Variants in ANTXR1 observed in about 807,000 individuals in gnomAD.
ANTXR1 encodes anthrax toxin receptor 1.
A neutral mutation model predicts 78.1 loss-of-function variants in ANTXR1; 19 were observed. That is an observed-to-expected ratio of 0.24 (90% CI 0.17 to 0.36). The LOEUF (loss-of-function observed/expected upper bound fraction) is 0.36. Among genes scored for constraint, ANTXR1 ranks in the 10% least tolerant of loss-of-function variants. The pLI, the probability that ANTXR1 is intolerant of heterozygous loss-of-function variation, is 1.00. For missense variants in ANTXR1, 518 were observed against 718.6 expected (o/e 0.72, Z 3.19); for synonymous variants, 273 against 260.5 (o/e 1.05, Z -0.46).
intron 13 of ANTXR1, among the ~76,000 whole-genome samples, chr2:69,168,288 GAT>G (rs1673885379): frequency 6.6e-6 from 1 of 152,220 alleles, no homozygotes; most frequent in African/African-American, 2.4e-5. Context: ...CTCACTACCA[GAT>G]GCTTAACACA....
intron 8 of ANTXR1, among the ~76,000 whole-genome samples, chr2:69,082,702 C>T (rs1406753876): frequency 2.0e-5 from 3 of 151,996 alleles, no homozygotes; most frequent in East Asian, 3.9e-4. Flanking sequence ...AGCTCCTCCT[C>T]CCAGCTATCC....
intron 1 of ANTXR1, among the ~76,000 whole-genome samples, chr2:69,020,167 CAAT>C (rs568267480): frequency 6.6e-6 from 1 of 152,102 alleles, no homozygotes. Flanking sequence ...CTATCTTTTA[CAAT>C]AATAATTTTA....
chr2:69,206,205 C>T (rs1674897392), intron 17 of ANTXR1, among the ~76,000 whole-genome samples: 1 of 152,214 alleles, frequency 6.6e-6, no homozygotes, highest in African/African-American at 2.4e-5. Flanking sequence ...CCAGCTGACA[C>T]CCAGGCATTG....
chr2:69,082,671 C>T (rs1248443695), intron 8 of ANTXR1, among the ~76,000 whole-genome samples: 6 of 151,998 alleles, frequency 3.9e-5, no homozygotes, highest in Admixed American at 3.9e-4. Flanking sequence ...TCCCAACACT[C>T]GGCCTGGTTA....
chr2:69,224,306 C>T (rs1328298042), intron 17 of ANTXR1, among the ~76,000 whole-genome samples: 1 of 152,170 alleles, frequency 6.6e-6, no homozygotes, highest in Non-Finnish European at 1.5e-5. Flanking sequence ...CCTTCTGAAA[C>T]AGAAGGTTGA....
rs529966976 is a variant in ANTXR1, at chr2:69,168,435, C to T, written c.1048-1813C>T. Among the ~76,000 whole-genome samples, 305 of 152,310 alleles carry T rather than the reference C, an allele frequency of 2.0e-3. 1 individual carries two copies. Among genetic ancestry groups the T allele is most frequent in the Middle Eastern group, 6.8e-3 (2 of 294 alleles). Reference sequence around the variant, plus strand: ...GTCAGGAGAAGGCAGGTCTGGAATTCACATATAACATCTATGCTGTGCTTA... The same window carrying T: ...GTCAGGAGAAGGCAGGTCTGGAATTTACATATAACATCTATGCTGTGCTTA... On this transcript the variant is annotated intron_variant, in intron 13 of 17. Coordinates refer to ENST00000303714, the MANE Select transcript of ANTXR1 (RefSeq NM_032208.3).
At chr2:69,217,368 G>A (rs1388120685) in intron 17 of ANTXR1, among the ~76,000 whole-genome samples, 2 of 152,218 alleles carry the variant, frequency 1.3e-5, no homozygotes, top group Admixed American at 1.3e-4. Context: ...AGTGCACAAT[G>A]TGAATCTGAG....
chr2:69,071,713 C>G, intron 4 of ANTXR1, 41 bp from the exon 5 acceptor site: 2 of 1,608,128 alleles, frequency 1.2e-6, no homozygotes, highest in Non-Finnish European at 1.7e-6. Context: ...GAGTGACAAA[C>G]AGTGGTTATA....
chr2:69,155,952 C>A (rs545277294), intron 13 of ANTXR1, among the ~76,000 whole-genome samples: 1 of 152,136 alleles, frequency 6.6e-6, no homozygotes, highest in East Asian at 1.9e-4. Flanking sequence ...AGTTTCATGA[C>A]TCCATGTTGA....
In ANTXR1 at chr2:69,145,278, T is replaced by C. The variant is rs1237139566; in HGVS notation, c.952-6891T>C. On this transcript the variant is annotated intron_variant, in intron 12 of 17. Transcript: ENST00000303714. ...CTAGGCCCTTCTAAGGCCAGGGGAG[T>C]AGCCCTTATAATTTTGCATTTGTAT... is the stretch of plus-strand genomic sequence containing the variant. The C allele has an allele frequency of 1.6e-5, 25 of 1,541,440 alleles. 1 individual carries two copies. The highest frequency in any genetic ancestry group is 1.2e-4 in the Admixed American group (6 of 51,260).
chr2:69,187,450 A>G (rs963594268), intron 16 of ANTXR1, among the ~76,000 whole-genome samples: 2 of 151,920 alleles, frequency 1.3e-5, no homozygotes, highest in African/African-American at 4.8e-5. Flanking sequence ...AACAAAATCT[A>G]TCCTATGCAT....
At chr2:69,026,033 A>G (rs188061225) in intron 1 of ANTXR1, among the ~76,000 whole-genome samples, 18 of 152,344 alleles carry the variant, frequency 1.2e-4, no homozygotes, top group Admixed American at 7.8e-4. Context: ...CTCTAATTTT[A>G]AGTCTTTTCT....
intron 17 of ANTXR1, among the ~76,000 whole-genome samples, chr2:69,194,384 A>G (rs553257456): frequency 1.3e-5 from 2 of 152,330 alleles, no homozygotes; most frequent in African/African-American, 4.8e-5. Context: ...CTCCTTTCAA[A>G]TCAAGCAGAC....
At chr2:69,126,300 GA>G (rs1427103571) in intron 12 of ANTXR1, among the ~76,000 whole-genome samples, 1 of 152,192 alleles carries the variant, frequency 6.6e-6, no homozygotes, top group Non-Finnish European at 1.5e-5. Context: ...ACCAAAGCAA[GA>G]AACTAGGATT....
At chr2:69,210,401 G>A (rs1369588496) in intron 17 of ANTXR1, among the ~76,000 whole-genome samples, 2 of 152,186 alleles carry the variant, frequency 1.3e-5, no homozygotes, top group Admixed American at 6.5e-5. Flanking sequence ...AGGAGGCCTT[G>A]CTATATTCCA....
At chr2:69,188,059 A>G (rs1445252249) in intron 16 of ANTXR1, among the ~76,000 whole-genome samples, 2 of 145,210 alleles carry the variant, frequency 1.4e-5, no homozygotes, top group Non-Finnish European at 3.0e-5. Context: ...AAAAAAAAAA[A>G]AAGAGGAAAC....
At chr2:69,152,076 C>A in intron 12 of ANTXR1, 93 bp from the exon 13 acceptor site, 1 of 1,269,736 alleles carries the variant, frequency 7.9e-7, no homozygotes, top group Non-Finnish European at 1.1e-6. Flanking sequence ...GCTCTCTGAG[C>A]CTTAAATCTG....
intron 14 of ANTXR1, among the ~76,000 whole-genome samples, chr2:69,176,753 A>G (rs755220407): frequency 2.0e-5 from 3 of 152,234 alleles, no homozygotes; most frequent in African/African-American, 4.8e-5. Flanking sequence ...GTTCAATGAC[A>G]TTTAAAATTA....
intron 8 of ANTXR1, 53 bp from the exon 9 acceptor site, chr2:69,090,802 TTCTG>T: frequency 1.3e-6 from 2 of 1,581,242 alleles, no homozygotes; most frequent in Non-Finnish European, 1.7e-6. Flanking sequence ...AGAACCCTGA[TTCTG>T]TCTTTGAACA....
Sources: gnomAD v4.1 joint callset for allele counts (sites outside exome capture counted in the v4.1 genomes callset) on GRCh38, gnomAD v4.1.1 for gene constraint, MANE v1.5 for transcripts, NCBI Gene and HGNC (gene_info 2026-07-23, HGNC 2026-07-21) for gene names.